The following PTK2 variants were observed in gnomAD, a reference collection of about 807,000 sequenced individuals.
PTK2 encodes the protein protein tyrosine kinase 2.
A neutral mutation model predicts 150.1 loss-of-function variants in PTK2; 45 were observed. The observed-to-expected ratio is 0.30, with a 90% CI of 0.24 to 0.38. The LOEUF is 0.38. Among genes scored for constraint, PTK2 ranks in the 10% least tolerant of loss-of-function variants. The pLI is 1.00. For synonymous variants in PTK2, 432 were observed against 449.2 expected, an observed-to-expected ratio of 0.96 and a Z score of 0.48; for missense variants, 919 against 1,307.3, an observed-to-expected ratio of 0.70 and a Z score of 4.58.
At chr8:140,913,791 C>T (rs1464185558) in intron 2 of PTK2, among the ~76,000 whole-genome samples, 7 of 152,144 alleles carry the variant, frequency 4.6e-5, no homozygotes, top group Admixed American at 4.6e-4. Flanking sequence ...ATAGATTCAA[C>T]ACTGCCCCAA....
chr8:140,885,125 T>C (rs1027436427), intron 3 of PTK2, among the ~76,000 whole-genome samples: 3 of 152,218 alleles, frequency 2.0e-5, no homozygotes, highest in Non-Finnish European at 4.4e-5. Context: ...AAATTATTTG[T>C]TCTAGTCCTT....
chr8:140,662,815 T>C (rs1009401033), intron 31 of PTK2: 8 of 508,154 alleles, frequency 1.6e-5, no homozygotes, highest in Non-Finnish European at 2.2e-5. Context: ...CTCAATCTCA[T>C]CAGGAAGAAA....
chr8:140,759,530 T>TTAA (rs1554919747), intron 16 of PTK2, among the ~76,000 whole-genome samples: 4 of 58,076 alleles, frequency 6.9e-5, no homozygotes, highest in African/African-American at 3.2e-4. Context: ...GACCCTGTCC[T>TTAA]AAAAAAAAAA....
chr8:140,783,215 G>C (rs1171074496), intron 14 of PTK2, among the ~76,000 whole-genome samples: 4 of 152,172 alleles, frequency 2.6e-5, no homozygotes, highest in African/African-American at 9.7e-5. Flanking sequence ...AATCCAGCCT[G>C]GGTGACAGAG....
chr8:140,737,765 T>C (rs929722668), intron 21 of PTK2, among the ~76,000 whole-genome samples: 1 of 152,216 alleles, frequency 6.6e-6, no homozygotes, highest in Non-Finnish European at 1.5e-5. Context: ...TCCAGAAATG[T>C]TAACATGTAA....
intron 7 of PTK2, among the ~76,000 whole-genome samples, chr8:140,839,832 G>A (rs1268715014): frequency 6.6e-6 from 1 of 152,120 alleles, no homozygotes; most frequent in Admixed American, 6.5e-5. Flanking sequence ...TGAGAAGTAT[G>A]TCTTATTCCA....
At chr8:140,879,803 T>C (rs1355845084) in intron 3 of PTK2, among the ~76,000 whole-genome samples, 166 bp from the exon 4 acceptor site, 1 of 151,410 alleles carries the variant, frequency 6.6e-6, no homozygotes, top group East Asian at 1.9e-4. Context: ...GGTATGAGAA[T>C]ATCAAGTTAA....
intron 22 of PTK2, 61 bp from the exon 26 acceptor site, chr8:140,717,770 C>T: frequency 2.2e-6 from 3 of 1,347,942 alleles, no homozygotes; most frequent in Non-Finnish European, 3.2e-6. Flanking sequence ...CACACTAGAC[C>T]CCACCCTGAG....
intron 1 of PTK2, among the ~76,000 whole-genome samples, chr8:140,950,001 G>T (rs940647913): frequency 4.5e-5 from 1 of 22,190 alleles, no homozygotes; most frequent in Admixed American, 5.4e-4. Context: ...ACCAGCTGCA[G>T]GAAGGAGCTA....
chr8:140,689,671 C>T (rs943878081), intron 26 of PTK2, among the ~76,000 whole-genome samples: 2 of 152,120 alleles, frequency 1.3e-5, no homozygotes, highest in Non-Finnish European at 2.9e-5. Context: ...TATTTACTTC[C>T]AAATGGTTCA....
chr8:140,716,132 T>C (rs1564955164), intron 23 of PTK2, among the ~76,000 whole-genome samples: 2 of 152,136 alleles, frequency 1.3e-5, no homozygotes, highest in African/African-American at 4.8e-5. Flanking sequence ...ATTTTGTAAA[T>C]AAGGAATGTG....
chr8:140,681,708 T>A lies in PTK2; in HGVS notation c.2562+4924A>T, dbSNP rs562242350. Among the ~76,000 whole-genome samples, 9 of 150,182 alleles carry A rather than the reference T, an allele frequency of 6.0e-5. No homozygotes were observed. The South Asian group carries it at 1.7e-3, about 28-fold the overall frequency. On this transcript the variant is annotated intron_variant, in intron 27 of 31. Coordinates refer to ENST00000522684, the Ensembl canonical transcript of PTK2. ...AGGAGAATGGTGTGAACCCGGGAGG[T>A]GGAGCTTGCCGTGAGCCGAGATCGC...
At chr8:140,693,564 T>TAAAA (rs377205785) in intron 26 of PTK2, among the ~76,000 whole-genome samples, 5 of 72,452 alleles carry the variant, frequency 6.9e-5, no homozygotes, top group African/African-American at 1.2e-4. Context: ...TTGTCTCAAT[T>TAAAA]AAAAAAAAAA....
At chr8:140,964,183 G>C (rs979048883) in intron 1 of PTK2, among the ~76,000 whole-genome samples, 6 of 152,064 alleles carry the variant, frequency 3.9e-5, no homozygotes, top group African/African-American at 1.5e-4. Flanking sequence ...CCCTATGCAT[G>C]AATGTTTCTA....
chr8:140,997,899 A>G (rs1171188401), intron 1 of PTK2, among the ~76,000 whole-genome samples: 1 of 152,214 alleles, frequency 6.6e-6, no homozygotes, highest in Non-Finnish European at 1.5e-5. Context: ...TGATTGCACC[A>G]CTGCACTCCA....
chr8:140,916,223 T>G (rs2100165214), intron 2 of PTK2, among the ~76,000 whole-genome samples: 1 of 152,244 alleles, frequency 6.6e-6, no homozygotes, highest in Non-Finnish European at 1.5e-5. Context: ...ACTCCTCTCA[T>G]GGAGCTATTT....
intron 2 of PTK2, among the ~76,000 whole-genome samples, chr8:140,904,543 T>G (rs183243469): frequency 7.2e-5 from 11 of 152,342 alleles, no homozygotes; most frequent in Non-Finnish European, 1.2e-4. Context: ...CCTCTTTTTC[T>G]ATTGCTTGGA....
At chr8:140,944,041 C>T (rs2100176793) in intron 1 of PTK2, among the ~76,000 whole-genome samples, 1 of 152,094 alleles carries the variant, frequency 6.6e-6, no homozygotes, top group Admixed American at 6.6e-5. Context: ...ATCTAAACTG[C>T]CTACTTGCCA....
intron 1 of PTK2, among the ~76,000 whole-genome samples, chr8:140,957,469 C>T (rs369871919): frequency 2.0e-5 from 3 of 152,102 alleles, no homozygotes; most frequent in African/African-American, 4.8e-5. Context: ...TAGTAAGCTA[C>T]GGTTATTACT....
Sources: gnomAD v4.1 joint callset for allele counts (sites outside exome capture counted in the v4.1 genomes callset) on GRCh38, gnomAD v4.1.1 for gene constraint, MANE v1.5 for transcripts, NCBI Gene and HGNC (gene_info 2026-07-23, HGNC 2026-07-21) for gene names.